DNAJC1: variants seen among roughly 807,000 people sequenced by gnomAD.
DNAJC1 encodes the protein DnaJ heat shock protein family (Hsp40) member C1.
A neutral mutation model predicts 76.6 loss-of-function variants in DNAJC1; 58 were observed. The ratio of observed to expected loss-of-function variants is 0.76; its 90% CI spans 0.61 to 0.94. The LOEUF is 0.94. Ranked by LOEUF, DNAJC1 falls within the 40% of genes least tolerant of loss-of-function variation. DNAJC1 has a pLI of 0.00. For missense variants in DNAJC1, 689 were observed against 677.3 expected, an observed-to-expected ratio of 1.02 and a Z score of -0.19; for synonymous variants, 258 against 267.9, an observed-to-expected ratio of 0.96 and a Z score of 0.36.
chr10:21,992,733 T>C (rs1002320480), intron 1 of DNAJC1, among the ~76,000 whole-genome samples: 5 of 152,370 alleles, frequency 3.3e-5, no homozygotes, highest in Admixed American at 2.6e-4. Context: ...TCATGATTTA[T>C]ATGTAAAATA....
chr10:21,784,943 C>T (rs559447319), intron 9 of DNAJC1, among the ~76,000 whole-genome samples: 11 of 152,038 alleles, frequency 7.2e-5, no homozygotes, highest in African/African-American at 2.7e-4. Context: ...GGAGATATAC[C>T]TAATATAAAT....
chr10:21,892,205 G>T (rs1333116822), intron 7 of DNAJC1, among the ~76,000 whole-genome samples: 2 of 151,856 alleles, frequency 1.3e-5, no homozygotes, highest in East Asian at 3.8e-4. Context: ...TCTAAAAAAT[G>T]TTGAGCCACA....
At chr10:21,837,234 G>A (rs1835476722) in intron 8 of DNAJC1, among the ~76,000 whole-genome samples, 1 of 152,256 alleles carries the variant, frequency 6.6e-6, no homozygotes, top group African/African-American at 2.4e-5. Flanking sequence ...CCAGGCTGGA[G>A]TGCAGTGGCG....
At chr10:21,795,970 CTTTTTTTT>C (rs528288634) in intron 9 of DNAJC1, among the ~76,000 whole-genome samples, 1 of 132,888 alleles carries the variant, frequency 7.5e-6, no homozygotes, top group African/African-American at 2.7e-5. Flanking sequence ...GGGATTTCCG[CTTTTTTTT>C]TTTTTTTTTG....
At chr10:21,876,620 T>C (rs1250970937) in intron 8 of DNAJC1, among the ~76,000 whole-genome samples, 6 of 151,998 alleles carry the variant, frequency 3.9e-5, no homozygotes, top group East Asian at 3.9e-4. Flanking sequence ...GAAAACAAAA[T>C]TGGAAAATTA....
At chr10:21,834,982 G>T (rs1039839724) in intron 8 of DNAJC1, among the ~76,000 whole-genome samples, 1 of 152,196 alleles carries the variant, frequency 6.6e-6, no homozygotes, top group Non-Finnish European at 1.5e-5. Flanking sequence ...GAGAGTAGTG[G>T]TTCTCCCAGC....
intron 8 of DNAJC1, among the ~76,000 whole-genome samples, chr10:21,813,428 G>A (rs558604615): frequency 4.0e-4 from 58 of 145,912 alleles, no homozygotes; most frequent in African/African-American, 1.4e-3. Flanking sequence ...TCACTCTGTC[G>A]CCCAGGCTGG....
chr10:21,897,035 G>A (rs1010327006), intron 7 of DNAJC1, among the ~76,000 whole-genome samples: 1 of 152,148 alleles, frequency 6.6e-6, no homozygotes, highest in Non-Finnish European at 1.5e-5. Flanking sequence ...CAAACGTACT[G>A]ATGCCCTGAT....
intron 9 of DNAJC1, among the ~76,000 whole-genome samples, chr10:21,776,588 T>A (rs1325239791): frequency 6.6e-6 from 1 of 152,140 alleles, no homozygotes; most frequent in African/African-American, 2.4e-5. Flanking sequence ...AAAAATTATT[T>A]TTTTCTCCTC....
intron 9 of DNAJC1, among the ~76,000 whole-genome samples, chr10:21,777,617 T>C (rs977241847): frequency 6.6e-6 from 1 of 152,178 alleles, no homozygotes; most frequent in Non-Finnish European, 1.5e-5. Context: ...TATTATCAGA[T>C]CAAGGTATGA....
At chr10:21,839,705 T>TCC (rs1835538133) in intron 8 of DNAJC1, among the ~76,000 whole-genome samples, 1 of 152,150 alleles carries the variant, frequency 6.6e-6, no homozygotes, top group South Asian at 2.1e-4. Flanking sequence ...CTTCTGAAAC[T>TCC]ATTCCAATCA....
At chr10:21,824,765 T>C (rs1196123630) in intron 8 of DNAJC1, among the ~76,000 whole-genome samples, 1 of 152,184 alleles carries the variant, frequency 6.6e-6, no homozygotes, top group Non-Finnish European at 1.5e-5. Flanking sequence ...TTAACTATTT[T>C]ATTTTTATTT....
chr10:21,781,642 A>T (rs1834528634), intron 9 of DNAJC1, among the ~76,000 whole-genome samples: 1 of 148,256 alleles, frequency 6.7e-6, no homozygotes, highest in South Asian at 2.1e-4. Context: ...AATGGCGTGA[A>T]CCTGGGAGGC....
In DNAJC1 at chr10:21,957,910, T is replaced by C. The variant is rs1473064776; in HGVS notation, c.223-28769A>G. Among the ~76,000 whole-genome samples, 11 of 152,312 alleles carry C rather than the reference T, an allele frequency of 7.2e-5. No individual in the cohort carries two copies. The East Asian group carries it at 2.1e-3, about 29-fold the overall frequency. On this transcript the variant is annotated intron_variant, in intron 1 of 11. Coordinates refer to ENST00000376980, the MANE Select transcript of DNAJC1 (RefSeq NM_022365.4). The stretch of plus-strand genomic sequence containing the variant: ...TTAAGTGACGGCAAACTTAATGTAC[T>C]ATTATTAAGCAAAATACCTTTCTTA...
At chr10:21,836,203 A>G (rs1277552909) in intron 8 of DNAJC1, among the ~76,000 whole-genome samples, 1 of 152,226 alleles carries the variant, frequency 6.6e-6, no homozygotes, top group Non-Finnish European at 1.5e-5. Flanking sequence ...TTTTTAACCC[A>G]GAATTTCATA....
intron 3 of DNAJC1, 81 bp from the exon 4 acceptor site, chr10:21,921,044 G>A: frequency 7.8e-7 from 1 of 1,280,074 alleles, no homozygotes; most frequent in Admixed American, 2.6e-5. Flanking sequence ...ATTACAAAAA[G>A]GAAAAAGAAA....
chr10:21,962,438 T>C (rs1055871491), intron 1 of DNAJC1, among the ~76,000 whole-genome samples: 1 of 142,228 alleles, frequency 7.0e-6, no homozygotes, highest in African/African-American at 2.6e-5. Flanking sequence ...TAGGATGCAA[T>C]TAAAACTTGC....
intron 9 of DNAJC1, among the ~76,000 whole-genome samples, chr10:21,801,439 T>A (rs958225700): frequency 6.6e-6 from 1 of 152,080 alleles, no homozygotes; most frequent in Admixed American, 6.5e-5. Flanking sequence ...TGAGATACCA[T>A]CTCACACCAG....
At chr10:21,805,439 GACACACACAC>G (rs10657199) in intron 9 of DNAJC1, among the ~76,000 whole-genome samples, 272 of 142,862 alleles carry the variant, frequency 1.9e-3, no homozygotes, top group Non-Finnish European at 3.4e-3. Context: ...GTTACGTATG[GACACACACAC>G]ACACACACAC....
Sources: gnomAD v4.1 joint callset for allele counts (sites outside exome capture counted in the v4.1 genomes callset) on GRCh38, gnomAD v4.1.1 for gene constraint, MANE v1.5 for transcripts, NCBI Gene and HGNC (gene_info 2026-07-23, HGNC 2026-07-21) for gene names.